SLC25A20: variants seen among roughly 807,000 people sequenced by gnomAD.
SLC25A20 encodes solute carrier family 25 member 20.
In SLC25A20, 29 loss-of-function variants were observed where a neutral mutation model predicts 39.7. That is an observed-to-expected ratio of 0.73 (90% CI 0.54 to 1.00). The LOEUF is 1.00. Ranked by LOEUF, SLC25A20 falls within the 50% of genes least tolerant of loss-of-function variation. The probability of loss-of-function intolerance (pLI) is 0.00; values close to 1 mark genes in which losing one functional copy is unlikely to be tolerated. For missense variants in SLC25A20, 333 were observed against 379.9 expected (o/e 0.88, Z 1.03); for synonymous variants, 103 against 142.2 (o/e 0.72, Z 1.96).
chr3:48,866,119 C>G (rs898071023), intron 4 of SLC25A20, among the ~76,000 whole-genome samples: 1 of 148,528 alleles, frequency 6.7e-6, no homozygotes, highest in Non-Finnish European at 1.5e-5. Context: ...GGCGACAGAG[C>G]GAGACTCTGT....
intron 3 of SLC25A20, among the ~76,000 whole-genome samples, chr3:48,883,623 T>C (rs1430272225): frequency 6.9e-6 from 1 of 144,944 alleles, no homozygotes; most frequent in Non-Finnish European, 1.5e-5. Context: ...AGGTCCTTTT[T>C]TTTTTTTTTT....
Position 48,857,704 on chromosome 3 carries a change from T to C in SLC25A20, c.*6A>G. 1.9e-6 allele frequency: 3 copies of C among 1,613,462 alleles called. No individual in the cohort carries two copies. The highest frequency in any genetic ancestry group is 2.5e-6 in the Non-Finnish European group (3 of 1,179,642). On this transcript the variant is annotated 3_prime_UTR_variant, in exon 9 of 9. Coordinates refer to ENST00000319017, the MANE Select transcript of SLC25A20 (RefSeq NM_000387.6). The stretch of plus-strand genomic sequence containing the variant: ...ATCCAGAAGTGAACTTGAGCAGCCT[T>C]CAGCCTCACAAGTTGGGGGTGGCCC...
At chr3:48,860,869 T>C (rs1442360935) in intron 5 of SLC25A20, among the ~76,000 whole-genome samples, 2 of 149,448 alleles carry the variant, frequency 1.3e-5, no homozygotes, top group Admixed American at 6.7e-5. Context: ...AGTCTCGCTC[T>C]CTCGCCCAGG....
Position 48,862,545 on chromosome 3 carries a change from G to A in SLC25A20, c.532C>T (p.Arg178Ter), listed in dbSNP as rs778220325. ...AAGTGGAGGCCTGAAAGGTTACCTC[G>A]CATAAGGGTAAGCACAGTCCCTTTG... is the stretch of plus-strand genomic sequence containing the variant. ...IYKGTVLTLM[R>*]DVPASGMYFM... Residue 178 changes from arginine to a stop codon, truncating the protein, a stop_gained, in exon 5 of 9, where the codon CGA (arginine) becomes TGA (stop). Transcript: ENST00000319017. LOFTEE classifies it high-confidence loss of function. The A allele has an allele frequency of 3.1e-5, 50 of 1,607,080 alleles. No individual in the cohort carries two copies. The highest frequency in any genetic ancestry group is 6.7e-5 in the Admixed American group (4 of 59,990).
chr3:48,868,070 AAAG>A (rs1327211145), intron 4 of SLC25A20, among the ~76,000 whole-genome samples: 7 of 151,342 alleles, frequency 4.6e-5, no homozygotes, highest in African/African-American at 1.5e-4. Flanking sequence ...CTAAAAAAAA[AAAG>A]AAAAGAAAAG....
chr3:48,892,313 G>T (rs1264127469), intron 1 of SLC25A20, among the ~76,000 whole-genome samples: 1 of 152,126 alleles, frequency 6.6e-6, no homozygotes, highest in Non-Finnish European at 1.5e-5. Flanking sequence ...CTATTCATCA[G>T]TTCATAGACA....
At chr3:48,884,166 C>A in intron 2 of SLC25A20, 42 bp from the exon 3 acceptor site, 1 of 1,611,162 alleles carries the variant, frequency 6.2e-7, no homozygotes. Context: ...ACAGACACCA[C>A]CACCTTTTAA....
chr3:48,885,915 G>C (rs1055871648), intron 2 of SLC25A20, among the ~76,000 whole-genome samples: 5 of 152,088 alleles, frequency 3.3e-5, no homozygotes, highest in Non-Finnish European at 5.9e-5. Flanking sequence ...ACACTACAGA[G>C]CATTTAGGGT....
At chr3:48,861,293 G>C (rs1266497463) in intron 5 of SLC25A20, among the ~76,000 whole-genome samples, 1 of 152,122 alleles carries the variant, frequency 6.6e-6, no homozygotes, top group Non-Finnish European at 1.5e-5. Context: ...AGCCAAGCTT[G>C]GCACTAGACC....
intron 3 of SLC25A20, among the ~76,000 whole-genome samples, chr3:48,882,991 T>C (rs1344378288): frequency 2.8e-5 from 4 of 142,198 alleles, no homozygotes; most frequent in Non-Finnish European, 4.6e-5. Context: ...ATCGAGACCA[T>C]CCTGGCTAAC....
In SLC25A20 at chr3:48,892,086, T is replaced by G; in HGVS notation, c.106-14A>C. ...CTGCAGTCGGACCTGAAAACAGAAG[T>G]TAAAATGCAGTCACCTACCAGAATC... is the stretch of plus-strand genomic sequence containing the variant. On this transcript the variant is annotated splice_polypyrimidine_tract_variant and intron_variant, in intron 1 of 8. Transcript: ENST00000319017. The G allele has an allele frequency of 1.9e-6, 3 of 1,609,456 alleles. No individual in the cohort carries two copies. The highest frequency in any genetic ancestry group is 2.6e-6 in the Non-Finnish European group (3 of 1,175,880).
chr3:48,865,457 G>T lies in SLC25A20; in HGVS notation c.418-2798C>A, dbSNP rs1330864201. Among the ~76,000 whole-genome samples the T allele has an allele frequency of 2.6e-5, 4 of 151,754 alleles. No homozygotes were observed. The East Asian group carries it at 7.8e-4, about 30-fold the overall frequency. On this transcript the variant is annotated intron_variant, in intron 4 of 8. Transcript: ENST00000319017. ...AAATTTGAGTCATCAGCATAAAAATGGTGTCTAAAAGTCATGAGACAAGGC... is the reference window on the plus strand; with the variant it reads ...AAATTTGAGTCATCAGCATAAAAATTGTGTCTAAAAGTCATGAGACAAGGC...
At chr3:48,859,659 T>G in intron 5 of SLC25A20, 32 bp from the exon 6 acceptor site, 1 of 1,533,690 alleles carries the variant, frequency 6.5e-7, no homozygotes, top group Non-Finnish European at 9.0e-7. Flanking sequence ...TGAATTAAAG[T>G]ACATAAACTC....
chr3:48,893,531 G>C (rs1428286599), intron 1 of SLC25A20, among the ~76,000 whole-genome samples: 2 of 151,868 alleles, frequency 1.3e-5, no homozygotes, highest in Non-Finnish European at 2.9e-5. Flanking sequence ...GCAAGACCTG[G>C]TCTCTTTTTA....
At position 48,859,188 on chromosome 3, in the gene SLC25A20, T is replaced by C; in HGVS notation, c.622A>G (p.Ser208Gly). 6.2e-7 allele frequency: 1 copy of C among 1,613,856 alleles called. No homozygotes were observed. Among genetic ancestry groups the C allele is most frequent in the South Asian group, 1.1e-5 (1 of 91,040 alleles). ...TPEGKRVSEL[S>G]APRILVAGGI... ...CCAGCCACCAAGATCCGAGGGGCAC[T>C]GAGCTCACTGACCCTGTATAACACC... The change falls in exon 7 of 9, where the codon AGT becomes GGT. Residue 208 changes from serine (S) to glycine (G), a missense_variant. Ser to Gly is a moderately conservative substitution (Grantham distance 56). Transcript: ENST00000319017.
At chr3:48,894,183 TTCTCTCTCTCTC>T (rs375593797) in intron 1 of SLC25A20, among the ~76,000 whole-genome samples, 11 of 110,274 alleles carry the variant, frequency 1.0e-4, no homozygotes, top group East Asian at 9.5e-4. Context: ...AAGAAGAAGA[TTCTCTCTCTCTC>T]TCTCTCTCTC....
At chr3:48,867,213 AT>A (rs2083677634) in intron 4 of SLC25A20, among the ~76,000 whole-genome samples, 1 of 151,644 alleles carries the variant, frequency 6.6e-6, no homozygotes, top group African/African-American at 2.4e-5. Context: ...AAGTGCTGAG[AT>A]TATAGGTGTG....
At chr3:48,891,905 A>G (rs1453531551) in intron 2 of SLC25A20, 75 bp downstream of exon 2, 29 of 1,187,704 alleles carry the variant, frequency 2.4e-5, no homozygotes, top group South Asian at 4.9e-5. Context: ...CAGTTAACCT[A>G]CTCTCCTTGG....
At chr3:48,877,414 TC>T (rs942832413) in intron 4 of SLC25A20, among the ~76,000 whole-genome samples, 3 of 144,962 alleles carry the variant, frequency 2.1e-5, no homozygotes, top group African/African-American at 7.8e-5. Context: ...AGAGCGAAAT[TC>T]TATCTCCAAA....
Sources: allele counts gnomAD v4.1 joint callset (sites outside exome capture counted in the v4.1 genomes callset), GRCh38; gene constraint gnomAD v4.1.1; transcripts MANE v1.5; gene names NCBI Gene and HGNC (gene_info 2026-07-23, HGNC 2026-07-21).